The following LVRN variants were observed in gnomAD, a reference collection of about 807,000 sequenced individuals.
The protein encoded by LVRN is aminopeptidase Q.
In LVRN, 99 loss-of-function variants were observed where a neutral mutation model predicts 111.4. The observed-to-expected ratio is 0.89, with a 90% confidence interval of 0.76 to 1.05. The LOEUF is 1.05. LVRN is among the 50% of genes least tolerant of loss of function. The pLI is 0.00. For missense variants in LVRN, 1,414 were observed against 1,206.8 expected, an observed-to-expected ratio of 1.17 and a Z score of -2.54; for synonymous variants, 488 against 449.5, an observed-to-expected ratio of 1.09 and a Z score of -1.08.
chr5:115,993,782 C>A lies in LVRN; in HGVS notation c.1302C>A (p.Ile434=), dbSNP rs369931696. 59 of 1,610,992 alleles carry A rather than the reference C, an allele frequency of 3.7e-5. 1 individual carries two copies. The East Asian group carries it at 6.7e-4, about 18-fold the overall frequency. The change falls in exon 6 of 20, where the codon ATC becomes ATA. Residue 434 remains isoleucine (I), a synonymous_variant. Coordinates refer to ENST00000357872, the MANE Select transcript of LVRN (RefSeq NM_173800.5). ...TTACCATGAATTGGTGGAACAATAT[C>A]TGGCTCAACGAGGGTTTTGCATCTT... is the stretch of plus-strand genomic sequence containing the variant. ...NLVTMNWWNN[I]WLNEGFASYF... is the part of the protein sequence containing the mutation.
intron 1 of LVRN, among the ~76,000 whole-genome samples, chr5:115,978,744 C>T (rs1283825373): frequency 1.3e-5 from 2 of 152,068 alleles, no homozygotes; most frequent in African/African-American, 2.4e-5. Context: ...TTCTTCTTTT[C>T]TTTACCTCAC....
intron 1 of LVRN, among the ~76,000 whole-genome samples, chr5:115,970,684 T>C (rs1753306694): frequency 7.1e-6 from 1 of 140,930 alleles, no homozygotes; most frequent in Non-Finnish European, 1.6e-5. Context: ...CGCACCCATC[T>C]GAAATACATG....
chr5:115,998,343 A>G (rs746449271), intron 6 of LVRN, among the ~76,000 whole-genome samples: 1 of 152,150 alleles, frequency 6.6e-6, no homozygotes, highest in Non-Finnish European at 1.5e-5. Context: ...TGCAGCAGCC[A>G]TTATAAGGGA....
In LVRN at chr5:115,983,402, G is replaced by C. The variant is rs747674977; in HGVS notation, c.811G>C (p.Val271Leu). ...NITMIHHPSY[V>L]ALSNMPKLGQ... The stretch of plus-strand genomic sequence containing the variant: ...TACAATGATTCATCATCCAAGTTAT[G>C]TGGCCCTTTCCAACATGCCAAAGCT... Residue 271 changes from valine (V) to leucine (L), a missense_variant, in exon 2 of 20, where the codon GTG becomes CTG. Coordinates refer to ENST00000357872, the MANE Select transcript of LVRN (RefSeq NM_173800.5). The C allele has an allele frequency of 2.5e-6, 4 of 1,607,714 alleles. No individual in the cohort carries two copies. Among genetic ancestry groups the C allele is most frequent in the Non-Finnish European group, 3.4e-6 (4 of 1,178,154 alleles).
intron 1 of LVRN, among the ~76,000 whole-genome samples, chr5:115,972,425 A>G (rs1373062956): frequency 6.6e-6 from 1 of 151,120 alleles, no homozygotes; most frequent in Admixed American, 6.6e-5. Flanking sequence ...TTGCTTGTTG[A>G]TCTTGTATGC....
intron 4 of LVRN, among the ~76,000 whole-genome samples, chr5:115,991,790 C>T (rs751274413): frequency 1.3e-5 from 2 of 152,076 alleles, no homozygotes; most frequent in Non-Finnish European, 2.9e-5. Flanking sequence ...TGTGTATTTG[C>T]CATTTATATA....
rs1247672199 is a variant in LVRN at position 115,962,836 on chromosome 5, C to T, written c.219C>T (p.Ser73=). ...RQKPTPTPKP[S]SARELAVTTT... is the part of the protein sequence containing the mutation. ...AGCCGACGCCAACCCCGAAACCCAG[C>T]AGTGCACGCGAGCTAGCGGTGACGA... The change falls in exon 1 of 20, where the codon AGC becomes AGT. Residue 73 remains serine, a synonymous_variant. Transcript: ENST00000357872. 1 of 1,613,040 alleles carries T rather than the reference C, an allele frequency of 6.2e-7. No individual in the cohort carries two copies. Among genetic ancestry groups the T allele is most frequent in the Admixed American group, 1.7e-5 (1 of 60,004 alleles).
intron 18 of LVRN, among the ~76,000 whole-genome samples, chr5:116,020,281 A>G (rs555043707): frequency 3.4e-4 from 52 of 152,342 alleles, no homozygotes; most frequent in Admixed American, 5.2e-4. Flanking sequence ...CAGTAGGTAC[A>G]CATAGCTATG....
chr5:115,967,564 T>C (rs558486168), intron 1 of LVRN, among the ~76,000 whole-genome samples: 1 of 152,338 alleles, frequency 6.6e-6, no homozygotes, highest in East Asian at 1.9e-4. Context: ...TTTTTTAGAA[T>C]TGTTTTAACT....
At chr5:115,980,353 G>T (rs1168283521) in intron 1 of LVRN, among the ~76,000 whole-genome samples, 1 of 151,880 alleles carries the variant, frequency 6.6e-6, no homozygotes, top group Non-Finnish European at 1.5e-5. Flanking sequence ...TGCAGTTAAG[G>T]TTGAGAGCCA....
chr5:115,999,666 C>T (rs963575731), intron 6 of LVRN, 96 bp from the exon 7 acceptor site: 3 of 1,350,922 alleles, frequency 2.2e-6, no homozygotes, highest in Non-Finnish European at 2.1e-6. Context: ...TTTTCTCCCT[C>T]TTCAATATCA....
At chr5:116,009,952 GT>G (rs1002508043) in intron 13 of LVRN, among the ~76,000 whole-genome samples, 2 of 152,240 alleles carry the variant, frequency 1.3e-5, no homozygotes, top group African/African-American at 4.8e-5. Context: ...AAGTTTTGCT[GT>G]GGGTAAAATG....
chr5:115,968,945 G>T (rs891625760), intron 1 of LVRN, among the ~76,000 whole-genome samples: 1 of 152,154 alleles, frequency 6.6e-6, no homozygotes, highest in African/African-American at 2.4e-5. Flanking sequence ...TTGCAGCCGG[G>T]CTCAGAGGAC....
rs144341440 is a variant in LVRN at position 116,006,169 on chromosome 5, A to C, written c.2093+202A>C. 7.2e-3 allele frequency among the ~76,000 whole-genome samples: 1,097 copies of C among 152,304 alleles called. 20 individuals carry two copies. The highest frequency in any genetic ancestry group is 0.025 in the African/African-American group (1,044 of 41,556). On this transcript the variant is annotated intron_variant, in intron 13 of 19. Coordinates refer to ENST00000357872, the MANE Select transcript of LVRN (RefSeq NM_173800.5). ...AAAAGACTACCAACTAAGATGTGGC[A>C]GTGATTTCTGTTTTCCAAGGGTGAT... is the stretch of plus-strand genomic sequence containing the variant.
chr5:116,000,343 A>T lies in LVRN; in HGVS notation c.1516-90A>T, dbSNP rs1009019054. On this transcript the variant is annotated intron_variant, in intron 7 of 19. Coordinates refer to ENST00000357872, the MANE Select transcript of LVRN (RefSeq NM_173800.5). ...TAAAATGCAAAATGCAATCAGGAGC[A>T]CAGCTCAGAATATTGCTTATAAATA... The T allele has an allele frequency of 2.0e-6, 3 of 1,522,162 alleles. No homozygotes were observed. In the South Asian group the frequency reaches 3.4e-5, roughly 17 times the overall value. The allele number at this position is 1,522,162 out of a possible 1,614,324, so 94.3% of individuals were successfully genotyped here. A position where few individuals can be genotyped will look rare whatever the true frequency, so the allele number is the denominator to read the frequency against.
intron 13 of LVRN, among the ~76,000 whole-genome samples, chr5:116,008,742 A>C (rs1045122348): frequency 6.6e-6 from 1 of 152,226 alleles, no homozygotes; most frequent in African/African-American, 2.4e-5. Flanking sequence ...CTTCAATTCT[A>C]TTCAGGCTAA....
At chr5:115,969,746 G>A (rs896098744) in intron 1 of LVRN, among the ~76,000 whole-genome samples, 1 of 147,758 alleles carries the variant, frequency 6.8e-6, no homozygotes, top group Non-Finnish European at 1.5e-5. Context: ...GTTGCAGTGA[G>A]CTGAGATCGT....
rs780442751 is a variant in LVRN, at chr5:115,963,223, C to T, written c.606C>T (p.Tyr202=). The change falls in exon 1 of 20, where the codon TAC becomes TAT. Residue 202 remains tyrosine (Y), a synonymous_variant. Coordinates refer to ENST00000357872, the MANE Select transcript of LVRN (RefSeq NM_173800.5). ...AGCCCCTGAAACCTGGTAGCAGCTACGAGCTGCAGCTTAGCTTCTCGGGCC... is the reference window on the plus strand; with the variant it reads ...AGCCCCTGAAACCTGGTAGCAGCTATGAGCTGCAGCTTAGCTTCTCGGGCC... ...LSEPLKPGSS[Y]ELQLSFSGLV... 2.6e-5 allele frequency: 42 copies of T among 1,612,824 alleles called. No individual in the cohort carries two copies. In the South Asian group the frequency reaches 4.5e-4, roughly 17 times the overall value.
At chr5:116,018,502 G>A (rs1052003034) in intron 18 of LVRN, among the ~76,000 whole-genome samples, 3 of 151,816 alleles carry the variant, frequency 2.0e-5, no homozygotes, top group Non-Finnish European at 2.9e-5. Flanking sequence ...GAGAAACCCC[G>A]TCACTACTAA....
Sources: allele counts gnomAD v4.1 joint callset (sites outside exome capture counted in the v4.1 genomes callset), GRCh38; gene constraint gnomAD v4.1.1; transcripts MANE v1.5; gene names NCBI Gene and HGNC (gene_info 2026-07-23, HGNC 2026-07-21).